TSPAN18: variants seen among roughly 807,000 people sequenced by gnomAD.
TSPAN18 encodes tetraspanin 18.
In TSPAN18, 14 loss-of-function variants were observed where a neutral mutation model predicts 27.3. That is an observed-to-expected ratio of 0.51 (90% CI 0.34 to 0.80). The LOEUF (loss-of-function observed/expected upper bound fraction) is 0.80. TSPAN18 is among the 30% of genes least tolerant of loss of function. The pLI, the probability that TSPAN18 is intolerant of heterozygous loss-of-function variation, is 0.01. For missense variants in TSPAN18, 268 were observed against 323.9 expected, an observed-to-expected ratio of 0.83 and a Z score of 1.32; for synonymous variants, 143 against 136.5, an observed-to-expected ratio of 1.05 and a Z score of -0.33.
intron 2 of TSPAN18, among the ~76,000 whole-genome samples, chr11:44,807,192 T>TAAA (rs1046665098): frequency 2.1e-4 from 14 of 67,328 alleles, no homozygotes; most frequent in African/African-American, 1.1e-3. Flanking sequence ...CCCTGTCTCT[T>TAAA]AAAAAAAAAA....
chr11:44,790,826 G>A (rs1856201362), intron 2 of TSPAN18, among the ~76,000 whole-genome samples: 1 of 152,192 alleles, frequency 6.6e-6, no homozygotes, highest in South Asian at 2.1e-4. Context: ...CAGAGTCGGA[G>A]AACAGGTCCA....
At chr11:44,913,815 CT>C (rs1252769175) in intron 5 of TSPAN18, among the ~76,000 whole-genome samples, 12 of 152,352 alleles carry the variant, frequency 7.9e-5, no homozygotes, top group Non-Finnish European at 1.5e-4. Flanking sequence ...CAAAGGTGTC[CT>C]TAGGCAAATG....
intron 1 of TSPAN18, among the ~76,000 whole-genome samples, chr11:44,758,926 T>C (rs926231004): frequency 1.3e-4 from 20 of 152,212 alleles, no homozygotes; most frequent in African/African-American, 4.8e-4. Context: ...CTGTTGAAGA[T>C]AGGCAGCAGG....
chr11:44,846,876 A>G (rs1055922257), intron 2 of TSPAN18, among the ~76,000 whole-genome samples: 2 of 152,164 alleles, frequency 1.3e-5, no homozygotes, highest in African/African-American at 4.8e-5. Flanking sequence ...GAATGAACCC[A>G]GCCTATTAAA....
intron 1 of TSPAN18, among the ~76,000 whole-genome samples, chr11:44,747,765 C>A (rs1855114006): frequency 1.3e-5 from 2 of 152,196 alleles, no homozygotes. Flanking sequence ...CACACGCTAC[C>A]TTCACACTTG....
chr11:44,853,422 G>C (rs1392638039), intron 2 of TSPAN18, among the ~76,000 whole-genome samples: 1 of 152,174 alleles, frequency 6.6e-6, no homozygotes, highest in Non-Finnish European at 1.5e-5. Context: ...ATGACTGGAA[G>C]CATTCCTGGA....
intron 2 of TSPAN18, among the ~76,000 whole-genome samples, chr11:44,798,609 C>T (rs1407300464): frequency 6.6e-6 from 1 of 152,192 alleles, no homozygotes; most frequent in Non-Finnish European, 1.5e-5. Flanking sequence ...CTGGACCCCC[C>T]TGGGCAGCCC....
chr11:44,917,712 G>A (rs1859964293), intron 5 of TSPAN18: 2 of 512,344 alleles, frequency 3.9e-6, no homozygotes, highest in African/African-American at 1.9e-5. Context: ...ACTGTACGAG[G>A]GGCCTCTCTA....
chr11:44,737,125 C>T lies in TSPAN18; in HGVS notation c.-240+9838C>T, dbSNP rs190760810. Among the ~76,000 whole-genome samples, 9 of 152,338 alleles carry T rather than the reference C, an allele frequency of 5.9e-5. No individual in the cohort carries two copies. In the East Asian group the frequency reaches 1.7e-3, roughly 29 times the overall value. On this transcript the variant is annotated intron_variant, in intron 1 of 9. Transcript: ENST00000520358. ...TAGCTTCTTTGGGATTCCATCCCTCCTTGCTATGTACCAAGGCCTCTGCCC... is the reference window on the plus strand; with the variant it reads ...TAGCTTCTTTGGGATTCCATCCCTCTTTGCTATGTACCAAGGCCTCTGCCC...
At chr11:44,864,248 C>G (rs949892992) in intron 3 of TSPAN18, among the ~76,000 whole-genome samples, 1 of 136,218 alleles carries the variant, frequency 7.3e-6, no homozygotes, top group African/African-American at 2.8e-5. Context: ...GACCGCACCA[C>G]TGCACTCCAG....
intron 2 of TSPAN18, among the ~76,000 whole-genome samples, chr11:44,856,761 T>G (rs7120746): frequency 6.6e-6 from 1 of 152,054 alleles, no homozygotes; most frequent in African/African-American, 2.4e-5. Flanking sequence ...CTCTGTTGAA[T>G]TCAAGACCAG....
intron 3 of TSPAN18, among the ~76,000 whole-genome samples, chr11:44,904,910 C>T (rs1453875259): frequency 1.3e-5 from 2 of 152,138 alleles, no homozygotes; most frequent in African/African-American, 4.8e-5. Flanking sequence ...AATCCCTTAA[C>T]CCTTCTGAGG....
rs1665156 is a variant in TSPAN18, at chr11:44,781,321, C to T, written c.-153+16809C>T. On this transcript the variant is annotated intron_variant, in intron 2 of 9. Transcript: ENST00000520358. ...AGCTCTTCCATGCAGGTCCAGAAGC[C>T]GGGGCTGCCCAGGGCCTGGGGAAAC... is the stretch of plus-strand genomic sequence containing the variant. Among the ~76,000 whole-genome samples the T allele has an allele frequency of 3.9e-3, 595 of 152,312 alleles. 3 individuals are homozygous for T. The highest frequency in any genetic ancestry group is 0.013 in the African/African-American group (534 of 41,562).
chr11:44,751,631 A>C (rs2134856442), intron 1 of TSPAN18, among the ~76,000 whole-genome samples: 1 of 152,262 alleles, frequency 6.6e-6, no homozygotes, highest in South Asian at 2.1e-4. Context: ...TAAAAGTCAC[A>C]TATAAGGCTG....
At chr11:44,851,260 G>A (rs112719144) in intron 2 of TSPAN18, among the ~76,000 whole-genome samples, 1,719 of 152,206 alleles carry the variant, frequency 0.011, 33 homozygotes, top group African/African-American at 0.039. Flanking sequence ...AGCTGCTTCC[G>A]GCGTCACCTG....
intron 3 of TSPAN18, among the ~76,000 whole-genome samples, chr11:44,875,598 C>T (rs10769084): frequency 0.26 from 38,820 of 152,122 alleles, 5,872 homozygotes; most frequent in East Asian, 0.53. Context: ...GAGCACTTGC[C>T]CTGTGCAAAA....
chr11:44,864,176 A>G (rs925613930), intron 3 of TSPAN18, among the ~76,000 whole-genome samples: 1 of 151,040 alleles, frequency 6.6e-6, no homozygotes, highest in African/African-American at 2.4e-5. Flanking sequence ...AGTCCCAGCT[A>G]CTTGGGAGGC....
intron 3 of TSPAN18, among the ~76,000 whole-genome samples, chr11:44,871,973 G>T (rs911188108): frequency 6.6e-6 from 1 of 152,054 alleles, no homozygotes; most frequent in Non-Finnish European, 1.5e-5. Context: ...ACCCAGGCTG[G>T]AGTGCAGTGA....
At chr11:44,748,674 A>G (rs764134478) in intron 1 of TSPAN18, among the ~76,000 whole-genome samples, 2 of 152,220 alleles carry the variant, frequency 1.3e-5, no homozygotes, top group South Asian at 4.1e-4. Flanking sequence ...GAGAAGCCAC[A>G]GTGTCATAGC....
Sources: gnomAD v4.1 joint callset for allele counts (sites outside exome capture counted in the v4.1 genomes callset) on GRCh38, gnomAD v4.1.1 for gene constraint, MANE v1.5 for transcripts, NCBI Gene and HGNC (gene_info 2026-07-23, HGNC 2026-07-21) for gene names.